KDM4C: variants seen among roughly 807,000 people sequenced by gnomAD.
KDM4C encodes the protein lysine demethylase 4C.
Under a neutral mutation model 129.3 loss-of-function variants are expected in KDM4C, and 81 were observed. The ratio of observed to expected loss-of-function variants is 0.63; its 90% CI spans 0.52 to 0.75. KDM4C has a LOEUF of 0.75. Among genes scored for constraint, KDM4C ranks in the 30% least tolerant of loss-of-function variants. The pLI is 0.00. For synonymous variants in KDM4C, 573 were observed against 456.1 expected (o/e 1.26, Z -3.26); for missense variants, 1,457 against 1,304.0 (o/e 1.12, Z -1.81).
intron 15 of KDM4C, among the ~76,000 whole-genome samples, chr9:7,023,331 G>A (rs1035677799): frequency 7.9e-5 from 12 of 152,072 alleles, no homozygotes; most frequent in African/African-American, 2.9e-4. Flanking sequence ...TTATTGGTCT[G>A]TTTGGGTTTT....
At chr9:6,807,991 G>A (rs1833314700) in intron 3 of KDM4C, among the ~76,000 whole-genome samples, 1 of 87,142 alleles carries the variant, frequency 1.1e-5, no homozygotes, top group African/African-American at 5.9e-5. Flanking sequence ...GAGGGAGGTG[G>A]GGGGGGTCAG....
intron 4 of KDM4C, among the ~76,000 whole-genome samples, chr9:6,847,920 A>G (rs1366076078): frequency 6.6e-6 from 1 of 152,230 alleles, no homozygotes; most frequent in Non-Finnish European, 1.5e-5. Flanking sequence ...AAAATCATTT[A>G]AAGACCAAAA....
chr9:7,133,745 C>T (rs572992712), intron 19 of KDM4C, among the ~76,000 whole-genome samples: 13 of 152,246 alleles, frequency 8.5e-5, no homozygotes, highest in African/African-American at 2.6e-4. Flanking sequence ...TGTTGAGCCC[C>T]GCACAAGCCC....
chr9:6,748,591 TG>T, intron 1 of KDM4C: 5 of 611,220 alleles, frequency 8.2e-6, no homozygotes, highest in South Asian at 7.0e-5. Flanking sequence ...ATTGCCATCT[TG>T]TAAAAACATA....
intron 8 of KDM4C, among the ~76,000 whole-genome samples, chr9:6,938,552 T>G (rs937960457): frequency 2.0e-5 from 3 of 152,190 alleles, no homozygotes; most frequent in Non-Finnish European, 2.9e-5. Flanking sequence ...CTCAGCTGGC[T>G]TTTTAGTCGG....
rs59999598 is a variant in KDM4C, at chr9:6,931,125, C to A, written c.921+37893C>A. Among the ~76,000 whole-genome samples, 280 of 151,158 alleles carry A rather than the reference C, an allele frequency of 1.9e-3. 2 individuals carry two copies. Among genetic ancestry groups the A allele is most frequent in the African/African-American group, 6.4e-3 (261 of 41,080 alleles). On this transcript the variant is annotated intron_variant, in intron 8 of 21. Transcript: ENST00000381309. The stretch of plus-strand genomic sequence containing the variant: ...ACTTGGAACCCTCTCTCTTCTCACC[C>A]CCCCCACACAAACACACTTTATGTC...
At chr9:7,151,735 A>G (rs938254510) in intron 19 of KDM4C, among the ~76,000 whole-genome samples, 1 of 152,222 alleles carries the variant, frequency 6.6e-6, no homozygotes, top group Non-Finnish European at 1.5e-5. Flanking sequence ...GGAGTTTCCC[A>G]GAATGATTAG....
At position 6,792,986 on chromosome 9, in the gene KDM4C, A is replaced by G. The variant is rs368903269; in HGVS notation, c.-3A>G. On this transcript the variant is annotated 5_prime_UTR_variant, in exon 2 of 22. Coordinates refer to ENST00000381309, the MANE Select transcript of KDM4C (RefSeq NM_015061.6). ...CTTCTCTCCAGACACTGCCCTAACC[A>G]TCATGGAGGTGGCCGAGGTGGAAAG... 7.4e-6 allele frequency: 12 copies of G among 1,614,050 alleles called. No homozygotes were observed. Among genetic ancestry groups the G allele is most frequent in the Non-Finnish European group, 4.2e-6 (5 of 1,180,022 alleles).
chr9:6,884,512 C>G (rs1844958495), intron 6 of KDM4C, among the ~76,000 whole-genome samples: 2 of 152,086 alleles, frequency 1.3e-5, no homozygotes, highest in Admixed American at 1.3e-4. Context: ...AAGCCTCATA[C>G]CAGTCATATA....
At chr9:7,042,749 T>TG (rs1375881561) in intron 15 of KDM4C, among the ~76,000 whole-genome samples, 2 of 152,060 alleles carry the variant, frequency 1.3e-5, no homozygotes, top group Non-Finnish European at 2.9e-5. Flanking sequence ...CCTTGCCTTA[T>TG]GCTTTGGGGC....
intron 17 of KDM4C, among the ~76,000 whole-genome samples, chr9:7,082,681 C>T (rs1439026238): frequency 6.6e-6 from 1 of 152,128 alleles, no homozygotes; most frequent in Non-Finnish European, 1.5e-5. Context: ...ACTGTGTTGT[C>T]ACGCGTGGCT....
chr9:6,768,961 C>T (rs966681484), intron 1 of KDM4C, among the ~76,000 whole-genome samples: 23 of 151,768 alleles, frequency 1.5e-4, no homozygotes, highest in Non-Finnish European at 2.8e-4. Context: ...TTAGTAGAGG[C>T]GGGGTTTCAC....
At chr9:6,797,931 A>G (rs954841270) in intron 2 of KDM4C, among the ~76,000 whole-genome samples, 2 of 152,232 alleles carry the variant, frequency 1.3e-5, no homozygotes, top group South Asian at 4.1e-4. Flanking sequence ...GAACTTCAGA[A>G]GGAATGGCTT....
intron 1 of KDM4C, among the ~76,000 whole-genome samples, chr9:6,784,821 G>C (rs1387199690): frequency 6.6e-6 from 1 of 152,208 alleles, no homozygotes; most frequent in Non-Finnish European, 1.5e-5. Context: ...CCCAGGCCTG[G>C]GGGGCCCTTT....
chr9:7,117,648 C>G (rs2133265705), intron 18 of KDM4C, among the ~76,000 whole-genome samples: 1 of 151,802 alleles, frequency 6.6e-6, no homozygotes, highest in Admixed American at 6.6e-5. Flanking sequence ...CACACACACA[C>G]ACACACACAC....
At chr9:6,969,148 C>G (rs898666487) in intron 8 of KDM4C, among the ~76,000 whole-genome samples, 1 of 152,174 alleles carries the variant, frequency 6.6e-6, no homozygotes, top group African/African-American at 2.4e-5. Context: ...ATTGGCCAGG[C>G]TGGTCTCGAA....
At chr9:7,022,443 T>C (rs1786889000) in intron 15 of KDM4C, among the ~76,000 whole-genome samples, 1 of 152,130 alleles carries the variant, frequency 6.6e-6, no homozygotes, top group Admixed American at 6.5e-5. Context: ...TCTTGATTTC[T>C]TTTTTAGATT....
chr9:6,875,577 T>TAG (rs1004299825), intron 5 of KDM4C, among the ~76,000 whole-genome samples: 1 of 152,202 alleles, frequency 6.6e-6, no homozygotes, highest in Admixed American at 6.5e-5. Flanking sequence ...GTTGAGGCAT[T>TAG]AGAGTTCATC....
rs1823187023 is a variant in KDM4C at position 7,013,991 on chromosome 9, G to A, written c.2172G>A (p.Arg724=). The change falls in exon 14 of 22, where the codon CGG becomes CGA. Residue 724 remains arginine (R), a synonymous_variant. Transcript: ENST00000381309. ...TTTCCTGTGCAAAGTGCTGCGTACG[G>A]GTTCATGCAAGTAAATGGATCTATA... ...LLISCAKCCV[R]VHASCYGIPS... is the part of the protein sequence containing the mutation. The A allele has an allele frequency of 6.2e-7, 1 of 1,612,012 alleles. No homozygotes were observed. The highest frequency in any genetic ancestry group is 8.5e-7 in the Non-Finnish European group (1 of 1,179,032).
Sources: allele counts gnomAD v4.1 joint callset (sites outside exome capture counted in the v4.1 genomes callset), GRCh38; gene constraint gnomAD v4.1.1; transcripts MANE v1.5; gene names NCBI Gene and HGNC (gene_info 2026-07-23, HGNC 2026-07-21).